The following ANKFN1 variants were observed in gnomAD, a reference collection of about 807,000 sequenced individuals.
ANKFN1 encodes ankyrin repeat and fibronectin type III domain containing 1.
A neutral mutation model predicts 108.7 loss-of-function variants in ANKFN1; 74 were observed. That is an observed-to-expected ratio of 0.68 (90% CI 0.56 to 0.83). ANKFN1 has a LOEUF of 0.83. Among genes scored for constraint, ANKFN1 ranks in the 40% least tolerant of loss-of-function variants. The pLI is 0.00. For synonymous variants in ANKFN1, 547 were observed against 516.2 expected, an observed-to-expected ratio of 1.06 and a Z score of -0.81; for missense variants, 1,505 against 1,382.3, an observed-to-expected ratio of 1.09 and a Z score of -1.41.
At chr17:56,084,535 C>A (rs1247866338) in intron 4 of ANKFN1, among the ~76,000 whole-genome samples, 1 of 151,220 alleles carries the variant, frequency 6.6e-6, no homozygotes, top group African/African-American at 2.4e-5. Flanking sequence ...TGTGGGCTGG[C>A]TGTGTATCTG....
At chr17:56,170,807 T>TATATATATATATACACACACACACAC (rs1361307404) in intron 1 of ANKFN1, among the ~76,000 whole-genome samples, 1 of 61,450 alleles carries the variant, frequency 1.6e-5, no homozygotes, top group African/African-American at 7.0e-5. Flanking sequence ...TATATATATA[T>TATATATATATATACACACACACACAC]ACACACACAC....
At chr17:56,329,838 C>T (rs1005853225) in intron 4 of ANKFN1, among the ~76,000 whole-genome samples, 2 of 152,136 alleles carry the variant, frequency 1.3e-5, no homozygotes, top group African/African-American at 4.8e-5. Context: ...ACCCTGCCCT[C>T]ATCATTGAAG....
intron 1 of ANKFN1, among the ~76,000 whole-genome samples, chr17:56,168,392 C>CT (rs1407383701): frequency 6.6e-6 from 1 of 152,104 alleles, no homozygotes; most frequent in Non-Finnish European, 1.5e-5. Flanking sequence ...TGTTTTTCCT[C>CT]TTTTTTTCCT....
At chr17:56,274,022 A>G (rs2043854889) in intron 3 of ANKFN1, among the ~76,000 whole-genome samples, 1 of 152,160 alleles carries the variant, frequency 6.6e-6, no homozygotes, top group Non-Finnish European at 1.5e-5. Context: ...ATCTCATTGC[A>G]TGTCATTGAC....
chr17:56,272,357 A>G (rs1183335675), intron 3 of ANKFN1, among the ~76,000 whole-genome samples: 3 of 152,072 alleles, frequency 2.0e-5, no homozygotes, highest in Non-Finnish European at 4.4e-5. Context: ...TTCTATCTCT[A>G]TGAATTTGAC....
At chr17:56,495,996 T>C (rs1271734665) in intron 19 of ANKFN1, among the ~76,000 whole-genome samples, 1 of 152,160 alleles carries the variant, frequency 6.6e-6, no homozygotes, top group East Asian at 1.9e-4. Flanking sequence ...GGTCTTTCTT[T>C]TTTAAAATGT....
chr17:56,427,988 T>A (rs1371993561), intron 8 of ANKFN1, among the ~76,000 whole-genome samples: 2 of 152,144 alleles, frequency 1.3e-5, no homozygotes, highest in Admixed American at 1.3e-4. Flanking sequence ...ATCCTAGCAC[T>A]TTGGAAGGCC....
chr17:56,515,096 G>A lies in ANKFN1; in HGVS notation c.*3827G>A, dbSNP rs1352107627. On this transcript the variant is annotated 3_prime_UTR_variant, in exon 21 of 21. Transcript: ENST00000682825. ...GCTTAAGTGAGTTCTCCAAGAGAAG[G>A]TATGTCTGCAACGCATTTAAGTTGC... is the stretch of plus-strand genomic sequence containing the variant. Among the ~76,000 whole-genome samples the A allele has an allele frequency of 6.6e-6, 1 of 151,986 alleles. No homozygotes were observed. The highest frequency in any genetic ancestry group is 1.5e-5 in the Non-Finnish European group (1 of 67,992).
intron 4 of ANKFN1, among the ~76,000 whole-genome samples, chr17:56,140,608 A>G (rs2143390851): frequency 6.6e-6 from 1 of 152,282 alleles, no homozygotes; most frequent in Non-Finnish European, 1.5e-5. Context: ...ACCTTGGGCA[A>G]CCTACTTAAG....
At chr17:56,248,661 A>G (rs2043169901) in intron 3 of ANKFN1, among the ~76,000 whole-genome samples, 1 of 152,188 alleles carries the variant, frequency 6.6e-6, no homozygotes, top group African/African-American at 2.4e-5. Flanking sequence ...CCCAAAGCCT[A>G]TCCTCTGCCC....
At chr17:56,187,930 C>A (rs1330320359) in intron 1 of ANKFN1, among the ~76,000 whole-genome samples, 5 of 124,980 alleles carry the variant, frequency 4.0e-5, no homozygotes, top group Admixed American at 3.6e-4. Flanking sequence ...CGGGGCCTGT[C>A]GTGGGGTAGG....
chr17:56,143,904 C>T (rs906307821), intron 4 of ANKFN1, among the ~76,000 whole-genome samples: 14 of 152,154 alleles, frequency 9.2e-5, no homozygotes, highest in African/African-American at 3.1e-4. Context: ...AAGAACCAAC[C>T]TTGCTGACGC....
chr17:56,168,593 C>A (rs1910369795), intron 1 of ANKFN1, among the ~76,000 whole-genome samples: 1 of 152,164 alleles, frequency 6.6e-6, no homozygotes, highest in African/African-American at 2.4e-5. Flanking sequence ...GACCAACTTA[C>A]CATTTTGGAT....
At chr17:56,155,793 A>G (rs1909048574) in intron 1 of ANKFN1, among the ~76,000 whole-genome samples, 1 of 152,216 alleles carries the variant, frequency 6.6e-6, no homozygotes, top group African/African-American at 2.4e-5. Context: ...ATAGGGACCA[A>G]TGGGAAGCCA....
chr17:56,170,807 T>TATATATATACACACACACAC (rs1361307404), intron 1 of ANKFN1, among the ~76,000 whole-genome samples: 2 of 61,460 alleles, frequency 3.3e-5, no homozygotes, highest in African/African-American at 1.4e-4. Context: ...TATATATATA[T>TATATATATACACACACACAC]ACACACACAC....
chr17:56,443,202 T>A (rs1410539396), intron 10 of ANKFN1, among the ~76,000 whole-genome samples: 2 of 152,096 alleles, frequency 1.3e-5, no homozygotes, highest in Non-Finnish European at 2.9e-5. Context: ...CCTTCAAAAG[T>A]TGTTTAACAG....
At chr17:56,394,618 C>T (rs2047526834) in intron 8 of ANKFN1, among the ~76,000 whole-genome samples, 1 of 152,076 alleles carries the variant, frequency 6.6e-6, no homozygotes, top group African/African-American at 2.4e-5. Flanking sequence ...CATCACTTAT[C>T]CCCTGGGAGC....
intron 14 of ANKFN1, among the ~76,000 whole-genome samples, chr17:56,463,049 T>G (rs1366511152): frequency 6.6e-6 from 1 of 152,224 alleles, no homozygotes. Flanking sequence ...AATTTGCACC[T>G]TGTTTTCTGG....
intron 4 of ANKFN1, among the ~76,000 whole-genome samples, chr17:56,333,963 C>G (rs965016273): frequency 3.3e-5 from 5 of 152,060 alleles, no homozygotes; most frequent in Admixed American, 2.0e-4. Context: ...GAACTCGGGT[C>G]CCCTACATCT....
Sources: gnomAD v4.1 joint callset for allele counts (sites outside exome capture counted in the v4.1 genomes callset) on GRCh38, gnomAD v4.1.1 for gene constraint, MANE v1.5 for transcripts, NCBI Gene and HGNC (gene_info 2026-07-23, HGNC 2026-07-21) for gene names.